TENM2: variants seen among roughly 807,000 people sequenced by gnomAD.
TENM2 encodes the protein teneurin transmembrane protein 2.
Under a neutral mutation model 245.2 loss-of-function variants are expected in TENM2, and 52 were observed. The ratio of observed to expected loss-of-function variants is 0.21; its 90% CI spans 0.17 to 0.27. The LOEUF (loss-of-function observed/expected upper bound fraction) is 0.27. TENM2 is among the 10% of genes least tolerant of loss of function. TENM2 has a pLI of 1.00. For synonymous variants in TENM2, 1,363 were observed against 1,438.9 expected (o/e 0.95, Z 1.19); for missense variants, 3,046 against 3,666.8 (o/e 0.83, Z 4.37).
In TENM2 at chr5:167,570,533, G is replaced by T. The variant is rs370635705; in HGVS notation, c.502+195060G>T. The stretch of plus-strand genomic sequence containing the variant: ...GTTTATAGATTAGGGCAGAGTCAAG[G>T]TCGTATGTAGAATAATGTCATTCTC... On this transcript the variant is annotated intron_variant, in intron 2 of 28. Coordinates refer to ENST00000518659, the Ensembl canonical transcript of TENM2. Among the ~76,000 whole-genome samples the T allele has an allele frequency of 1.9e-3, 282 of 152,284 alleles. 11 individuals are homozygous for T. In the South Asian group the frequency reaches 0.057, roughly 31 times the overall value.
the TENM2 span, among the ~76,000 whole-genome samples, chr5:167,026,400 C>A: frequency 6.6e-6 from 1 of 152,202 alleles, no homozygotes; most frequent in Non-Finnish European, 1.5e-5. Flanking sequence ...CTTTAGGCCA[C>A]CTGTGTTCTC....
chr5:167,523,140 A>T (rs1352026231), intron 2 of TENM2, among the ~76,000 whole-genome samples: 1 of 152,124 alleles, frequency 6.6e-6, no homozygotes, highest in Non-Finnish European at 1.5e-5. Flanking sequence ...CCAGCCAGGT[A>T]ATCCAGGGTA....
At chr5:166,999,702 C>T in the TENM2 span, among the ~76,000 whole-genome samples, 7 of 152,222 alleles carry the variant, frequency 4.6e-5, no homozygotes, top group South Asian at 1.5e-3. Flanking sequence ...GAGCAGCATT[C>T]ATCAGAACAA....
At chr5:167,525,054 C>G (rs1486122100) in intron 2 of TENM2, among the ~76,000 whole-genome samples, 1 of 152,002 alleles carries the variant, frequency 6.6e-6, no homozygotes, top group Non-Finnish European at 1.5e-5. Context: ...GTTTGTTAAT[C>G]AGCTTGATGA....
chr5:168,074,685 A>G (rs920813049), intron 7 of TENM2, among the ~76,000 whole-genome samples: 2 of 152,110 alleles, frequency 1.3e-5, no homozygotes, highest in Non-Finnish European at 2.9e-5. Context: ...CCACCACATC[A>G]GCTCACTTGC....
At position 167,716,634 on chromosome 5, in the gene TENM2, T is replaced by C. The variant is rs141010601; in HGVS notation, c.503-159352T>C. On this transcript the variant is annotated intron_variant, in intron 2 of 28. Transcript: ENST00000518659. Reference sequence around the variant, plus strand: ...TTTGTTTTTAATAAATAAAATGAGCTTTACAGCTTCCAGTAAAATAGCCAA... The same window carrying C: ...TTTGTTTTTAATAAATAAAATGAGCCTTACAGCTTCCAGTAAAATAGCCAA... Among the ~76,000 whole-genome samples the C allele has an allele frequency of 1.5e-4, 23 of 152,302 alleles. No homozygotes were observed. In the East Asian group the frequency reaches 4.4e-3, roughly 29 times the overall value.
the TENM2 span, among the ~76,000 whole-genome samples, chr5:167,129,325 C>T: frequency 1.4e-4 from 22 of 152,246 alleles, no homozygotes; most frequent in East Asian, 1.7e-3. Flanking sequence ...TTTTCCAAAA[C>T]GACTCCCAGA....
At chr5:167,837,067 TACACACAC>T (rs3082486) in intron 2 of TENM2, among the ~76,000 whole-genome samples, 16 of 149,388 alleles carry the variant, frequency 1.1e-4, no homozygotes, top group South Asian at 4.3e-4. Flanking sequence ...TATGCCTAAG[TACACACAC>T]ACACACACAC....
At chr5:167,009,579 G>A in the TENM2 span, among the ~76,000 whole-genome samples, 1 of 152,146 alleles carries the variant, frequency 6.6e-6, no homozygotes. Context: ...CATGGTCCCA[G>A]GTTTATGGAG....
intron 1 of TENM2, among the ~76,000 whole-genome samples, chr5:167,300,578 G>A (rs1232041584): frequency 6.6e-6 from 1 of 152,190 alleles, no homozygotes; most frequent in African/African-American, 2.4e-5. Context: ...AAGCCATGAT[G>A]TAACAGGCGA....
intron 2 of TENM2, among the ~76,000 whole-genome samples, chr5:167,586,219 T>C (rs1400628468): frequency 6.6e-6 from 1 of 152,210 alleles, no homozygotes; most frequent in African/African-American, 2.4e-5. Context: ...TACATTATAT[T>C]AGGTATTACA....
intron 2 of TENM2, among the ~76,000 whole-genome samples, chr5:167,513,341 T>C (rs1770097248): frequency 6.6e-6 from 1 of 152,144 alleles, no homozygotes; most frequent in Non-Finnish European, 1.5e-5. Flanking sequence ...ATATAGAATA[T>C]CATTTTAATA....
At chr5:167,841,052 G>A (rs933251590) in intron 2 of TENM2, among the ~76,000 whole-genome samples, 1 of 131,446 alleles carries the variant, frequency 7.6e-6, no homozygotes, top group Non-Finnish European at 1.6e-5. Flanking sequence ...TGTAAAAATT[G>A]TCATCCTCAT....
At chr5:167,867,557 A>G (rs1561874243) in intron 2 of TENM2, among the ~76,000 whole-genome samples, 1 of 152,224 alleles carries the variant, frequency 6.6e-6, no homozygotes, top group Non-Finnish European at 1.5e-5. Context: ...TTTGTTTTCA[A>G]GAAAATGCTT....
At chr5:167,203,865 A>G in the TENM2 span, among the ~76,000 whole-genome samples, 3 of 152,136 alleles carry the variant, frequency 2.0e-5, no homozygotes, top group Non-Finnish European at 4.4e-5. Context: ...AAAGGAAGAC[A>G]AAAGAGAGAT....
chr5:168,170,961 C>T (rs1248517650), intron 13 of TENM2, among the ~76,000 whole-genome samples: 1 of 152,184 alleles, frequency 6.6e-6, no homozygotes, highest in Non-Finnish European at 1.5e-5. Context: ...ACCTGTCCTC[C>T]CCCATCCTCT....
At chr5:167,787,792 G>C (rs1162234334) in intron 2 of TENM2, among the ~76,000 whole-genome samples, 1 of 152,194 alleles carries the variant, frequency 6.6e-6, no homozygotes, top group Non-Finnish European at 1.5e-5. Flanking sequence ...CATGGGTTGG[G>C]AGTGTGAGTG....
chr5:167,353,492 T>A (rs1189824068), intron 1 of TENM2, among the ~76,000 whole-genome samples: 3 of 111,172 alleles, frequency 2.7e-5, no homozygotes, highest in African/African-American at 1.1e-4. Context: ...TTTTTTGTTG[T>A]TGTTGTTGTT....
the TENM2 span, among the ~76,000 whole-genome samples, chr5:167,120,122 A>G: frequency 6.6e-6 from 1 of 152,190 alleles, no homozygotes; most frequent in African/African-American, 2.4e-5. Context: ...AGGAAGGTAC[A>G]TGCCATAGAT....
Sources: allele counts gnomAD v4.1 joint callset (sites outside exome capture counted in the v4.1 genomes callset), GRCh38; gene constraint gnomAD v4.1.1; transcripts MANE v1.5; gene names NCBI Gene and HGNC (gene_info 2026-07-23, HGNC 2026-07-21).